Variants in SGCD observed in about 807,000 individuals in gnomAD.
The protein encoded by SGCD is sarcoglycan delta.
A neutral mutation model predicts 36.6 loss-of-function variants in SGCD; 18 were observed. That is an observed-to-expected ratio of 0.49 (90% CI 0.34 to 0.73). The LOEUF is 0.73. Among genes scored for constraint, SGCD ranks in the 30% least tolerant of loss-of-function variants. The probability of loss-of-function intolerance (pLI) is 0.01; values close to 1 mark genes in which losing one functional copy is unlikely to be tolerated. For missense variants in SGCD, 387 were observed against 346.7 expected (o/e 1.12, Z -0.92); for synonymous variants, 133 against 130.6 (o/e 1.02, Z -0.12).
chr5:155,811,736 C>A, the SGCD span, among the ~76,000 whole-genome samples: 1 of 152,130 alleles, frequency 6.6e-6, no homozygotes, highest in East Asian at 1.9e-4. Flanking sequence ...CGGGGGGTCA[C>A]CGCCTTCTGG....
chr5:156,079,418 G>T (rs537357241), intron 1 of SGCD, among the ~76,000 whole-genome samples: 2 of 152,200 alleles, frequency 1.3e-5, no homozygotes, highest in South Asian at 4.1e-4. Context: ...CTTCCTAACA[G>T]TCCACCAAAG....
At chr5:156,022,569 C>T (rs892003321) in intron 1 of SGCD, among the ~76,000 whole-genome samples, 7 of 151,958 alleles carry the variant, frequency 4.6e-5, no homozygotes, top group Non-Finnish European at 8.8e-5. Context: ...ATAGAAGAAA[C>T]GAGTTGACAT....
chr5:156,343,930 G>C lies in SGCD; in HGVS notation c.4-559G>C, dbSNP rs75856831. The stretch of plus-strand genomic sequence containing the variant: ...TTGCTGAAGATTCCCAAATCAAGTG[G>C]GGTTCCAGCTGTGTGTCTGTAAGGA... On this transcript the variant is annotated intron_variant, in intron 2 of 8. Transcript: ENST00000337851. Among the ~76,000 whole-genome samples the C allele has an allele frequency of 3.3e-3, 495 of 152,214 alleles. 8 individuals are homozygous for C. In the Middle Eastern group the frequency reaches 0.054, roughly 17 times the overall value.
chr5:155,747,959 A>C, the SGCD span, among the ~76,000 whole-genome samples: 1 of 152,170 alleles, frequency 6.6e-6, no homozygotes, highest in Admixed American at 6.5e-5. Context: ...AGAAAAGGCA[A>C]ATCTGAACCT....
At chr5:156,610,433 T>C (rs1761736892) in intron 6 of SGCD, among the ~76,000 whole-genome samples, 1 of 152,166 alleles carries the variant, frequency 6.6e-6, no homozygotes, top group African/African-American at 2.4e-5. Context: ...CCCGGCTGTG[T>C]GAGGTGTTTG....
chr5:156,673,249 C>G (rs148018550), intron 7 of SGCD, among the ~76,000 whole-genome samples: 43 of 152,314 alleles, frequency 2.8e-4, no homozygotes, highest in Middle Eastern at 6.8e-3. Flanking sequence ...TTATCTCATG[C>G]CTTTCTTTTT....
chr5:156,522,371 T>G (rs963128121), intron 4 of SGCD, among the ~76,000 whole-genome samples: 1 of 152,058 alleles, frequency 6.6e-6, no homozygotes, highest in Non-Finnish European at 1.5e-5. Flanking sequence ...AAAGAAAATG[T>G]GGTACATATA....
chr5:156,018,312 C>CAAA, intron 1 of SGCD, among the ~76,000 whole-genome samples: 1 of 152,160 alleles, frequency 6.6e-6, no homozygotes, highest in South Asian at 2.1e-4. Flanking sequence ...CAAATATCCG[C>CAAA]TAGTGTCTGT....
At position 156,589,446 on chromosome 5, in the gene SGCD, T is replaced by A. The variant is rs541488895; in HGVS notation, c.382+128T>A. ...GCTAACACATTGTTGAGAAAGAGAA[T>A]GTAGCATGTGTTCCATGATTCTACT... On this transcript the variant is annotated intron_variant, in intron 5 of 8. Coordinates refer to ENST00000337851, the MANE Select transcript of SGCD (RefSeq NM_000337.6). The A allele has an allele frequency of 5.0e-6, 3 of 597,334 alleles. No homozygotes were observed. In the East Asian group the frequency reaches 8.3e-5, roughly 17 times the overall value. 37.0% of individuals were successfully genotyped at this position (597,334 alleles called of 1,614,324 possible). A position where few individuals can be genotyped will look rare whatever the true frequency, so the allele number is the denominator to read the frequency against.
At chr5:156,139,187 TC>T (rs1762521303) in intron 3 of SGCD, among the ~76,000 whole-genome samples, 1 of 152,232 alleles carries the variant, frequency 6.6e-6, no homozygotes, top group Non-Finnish European at 1.5e-5. Context: ...TTTGATGAAG[TC>T]CAGTTTATTT....
intron 3 of SGCD, among the ~76,000 whole-genome samples, chr5:156,163,626 C>T (rs1763136877): frequency 6.6e-6 from 1 of 151,538 alleles, no homozygotes; most frequent in Non-Finnish European, 1.5e-5. Flanking sequence ...CTGAAATTTA[C>T]TCCATTACCT....
chr5:156,048,837 C>G (rs1759843247), intron 1 of SGCD, among the ~76,000 whole-genome samples: 1 of 152,070 alleles, frequency 6.6e-6, no homozygotes, highest in Non-Finnish European at 1.5e-5. Flanking sequence ...AATTAGATCC[C>G]ATTTGTCAAT....
chr5:156,454,510 T>C (rs1241532592), intron 3 of SGCD, among the ~76,000 whole-genome samples: 26 of 152,192 alleles, frequency 1.7e-4, no homozygotes. Context: ...GCTCATTGAA[T>C]AGCAAAGAAG....
intron 1 of SGCD, among the ~76,000 whole-genome samples, chr5:155,896,039 T>C (rs17533521): frequency 0.12 from 18,379 of 152,336 alleles, 1,997 homozygotes; most frequent in Admixed American, 0.34. Flanking sequence ...TGACTTTTTC[T>C]GGATTGATTG....
intron 1 of SGCD, among the ~76,000 whole-genome samples, chr5:155,988,426 G>A (rs1758374303): frequency 6.6e-6 from 1 of 152,154 alleles, no homozygotes; most frequent in African/African-American, 2.4e-5. Context: ...GGGAGAACTG[G>A]AAATTGTATC....
At chr5:156,130,671 G>A (rs1429300925) in intron 3 of SGCD, among the ~76,000 whole-genome samples, 6 of 152,042 alleles carry the variant, frequency 3.9e-5, no homozygotes, top group African/African-American at 1.4e-4. Context: ...AGCCCATTAG[G>A]GACAGTGGTT....
the SGCD span, among the ~76,000 whole-genome samples, chr5:155,791,339 C>T: frequency 1.3e-5 from 2 of 151,950 alleles, no homozygotes; most frequent in Admixed American, 6.6e-5. Flanking sequence ...CCATTCCTCT[C>T]GAGAACTGAA....
Position 155,990,770 on chromosome 5 carries a change from A to T in SGCD, c.-282+120346A>T, listed in dbSNP as rs191716598. Reference sequence around the variant, plus strand: ...TTAATTCTTGCAGCAACCTTTTGTGATTAATATTTTTACTATTTCCATTTT... The same window carrying T: ...TTAATTCTTGCAGCAACCTTTTGTGTTTAATATTTTTACTATTTCCATTTT... On this transcript the variant is annotated intron_variant, in intron 1 of 9. Coordinates refer to the SGCD transcript ENST00000517913. Among the ~76,000 whole-genome samples the T allele has an allele frequency of 3.3e-5, 5 of 152,264 alleles. No individual in the cohort carries two copies. The East Asian group carries it at 9.6e-4, about 29-fold the overall frequency.
At chr5:155,925,675 G>T (rs1272007074) in intron 1 of SGCD, among the ~76,000 whole-genome samples, 1 of 152,144 alleles carries the variant, frequency 6.6e-6, no homozygotes, top group Non-Finnish European at 1.5e-5. Context: ...TAGTGCAGTG[G>T]TATAATCACA....
Sources: gnomAD v4.1 joint callset for allele counts (sites outside exome capture counted in the v4.1 genomes callset) on GRCh38, gnomAD v4.1.1 for gene constraint, MANE v1.5 for transcripts, NCBI Gene and HGNC (gene_info 2026-07-23, HGNC 2026-07-21) for gene names.